The following MMP26 variants were observed in gnomAD, a reference collection of about 807,000 sequenced individuals.
MMP26 encodes matrix metalloproteinase-26.
MMP26 carries 33 observed loss-of-function variants against 31.0 expected under a neutral mutation model. The ratio of observed to expected loss-of-function variants is 1.06; its 90% CI spans 0.81 to 1.42. MMP26 has a LOEUF of 1.42. Among genes scored for constraint, MMP26 ranks in the 40% most tolerant of loss-of-function variants. The pLI is 0.00. For missense variants in MMP26, 347 were observed against 316.1 expected, an observed-to-expected ratio of 1.10 and a Z score of -0.74; for synonymous variants, 122 against 114.9, an observed-to-expected ratio of 1.06 and a Z score of -0.40.
chr11:4,937,004 T>C (rs1846125098), intron 2 of MMP26, among the ~76,000 whole-genome samples: 1 of 152,210 alleles, frequency 6.6e-6, no homozygotes, highest in Admixed American at 6.5e-5. Flanking sequence ...TAGGCATTTT[T>C]TTGCTACGGA....
intron 2 of MMP26, chr11:4,912,916 G>A (rs748096881): frequency 1.4e-4 from 21 of 151,462 alleles, no homozygotes; most frequent in Non-Finnish European, 2.8e-4. Context: ...TGTCTAGCCT[G>A]GAATGTTAAA....
intron 1 of MMP26, among the ~76,000 whole-genome samples, chr11:4,731,050 T>A (rs1848167041): frequency 1.3e-5 from 2 of 152,168 alleles, no homozygotes; most frequent in African/African-American, 4.8e-5. Context: ...GTTCAAGTGA[T>A]TCTCCTGCCT....
chr11:4,915,495 C>T (rs771636291), intron 2 of MMP26: 1 of 1,614,128 alleles, frequency 6.2e-7, no homozygotes, highest in Non-Finnish European at 8.5e-7. Flanking sequence ...AGTGAGCGCT[C>T]TGTTTTAATG....
At chr11:4,749,147 T>C (rs1848416929) in intron 1 of MMP26, among the ~76,000 whole-genome samples, 1 of 151,964 alleles carries the variant, frequency 6.6e-6, no homozygotes, top group African/African-American at 2.4e-5. Flanking sequence ...TAAATAACAA[T>C]AGCTATCTAG....
chr11:4,706,577 CAAAAAAAAAAAAA>C (rs71050423), intron 1 of MMP26, among the ~76,000 whole-genome samples: 1 of 87,568 alleles, frequency 1.1e-5, no homozygotes, highest in African/African-American at 4.7e-5. Flanking sequence ...GACCCTATCT[CAAAAAAAAAAAAA>C]AAAAAAAAAG....
At chr11:4,939,973 T>G (rs1846184796) in intron 2 of MMP26, among the ~76,000 whole-genome samples, 1 of 152,152 alleles carries the variant, frequency 6.6e-6, no homozygotes, top group Non-Finnish European at 1.5e-5. Flanking sequence ...TTCTGGCATT[T>G]GTCTCACCAT....
intron 2 of MMP26, chr11:4,943,267 C>A: frequency 4.2e-6 from 1 of 235,990 alleles, no homozygotes; most frequent in Non-Finnish European, 8.7e-6. Context: ...AGGTTTACAT[C>A]CTTTGCATTC....
At chr11:4,858,128 G>A (rs892046485) in intron 2 of MMP26, among the ~76,000 whole-genome samples, 8 of 152,066 alleles carry the variant, frequency 5.3e-5, no homozygotes, top group Non-Finnish European at 1.0e-4. Flanking sequence ...CATACTGAAT[G>A]GGCAAAAACT....
intron 2 of MMP26, chr11:4,804,367 G>A: frequency 6.2e-7 from 1 of 1,614,082 alleles, no homozygotes; most frequent in African/African-American, 1.3e-5. Context: ...GCTGTTCCCT[G>A]AAGCCAGCAC....
At chr11:4,925,771 C>CAAAA (rs11441973) in intron 2 of MMP26, among the ~76,000 whole-genome samples, 2 of 142,166 alleles carry the variant, frequency 1.4e-5, no homozygotes, top group African/African-American at 2.6e-5. Context: ...CTGTTAACTA[C>CAAAA]AAAAAAAAAA....
rs559258498 is a variant in MMP26, at chr11:4,753,872, G to A, written c.-216-13398G>A. Among the ~76,000 whole-genome samples the A allele has an allele frequency of 1.3e-3, 201 of 152,024 alleles. 1 individual carries two copies. Among genetic ancestry groups the A allele is most frequent in the Admixed American group, 2.4e-3 (37 of 15,244 alleles). On this transcript the variant is annotated intron_variant, in intron 1 of 7. Transcript: ENST00000380390. ...AGTTTGTAACACAAAATACTGCCCC[G>A]TTTATGATTATAAAACCTGCTTCTG...
At chr11:4,985,729 T>C (rs1489177263) in intron 2 of MMP26, among the ~76,000 whole-genome samples, 1 of 152,216 alleles carries the variant, frequency 6.6e-6, no homozygotes, top group Non-Finnish European at 1.5e-5. Context: ...ATTGTATTTA[T>C]TTTTGTAGAG....
intron 2 of MMP26, among the ~76,000 whole-genome samples, chr11:4,783,559 G>A (rs1278184560): frequency 6.6e-6 from 1 of 152,170 alleles, no homozygotes; most frequent in East Asian, 1.9e-4. Flanking sequence ...AATGAGCTAA[G>A]ACTCTGTGGG....
chr11:4,720,228 C>T (rs1485723177), intron 1 of MMP26, among the ~76,000 whole-genome samples: 1 of 152,222 alleles, frequency 6.6e-6, no homozygotes, highest in African/African-American at 2.4e-5. Context: ...TACAACTATG[C>T]TTAATTCAAC....
rs1490795187 is a variant in MMP26 at position 4,952,721 on chromosome 11, A to G, written c.-144-35347A>G. On this transcript the variant is annotated intron_variant, in intron 2 of 7. Coordinates refer to ENST00000380390, the MANE Select transcript of MMP26 (RefSeq NM_021801.5). ...TCAGAGCCTCAATCTCTTCAACTAAAATAAATAAGAAAAAACCCTTTATAA... is the reference window on the plus strand; with the variant it reads ...TCAGAGCCTCAATCTCTTCAACTAAGATAAATAAGAAAAAACCCTTTATAA... 2.4e-5 allele frequency among the ~76,000 whole-genome samples: 3 copies of G among 125,430 alleles called. 1 individual carries two copies. Among genetic ancestry groups the G allele is most frequent in the African/African-American group, 8.1e-5 (3 of 36,904 alleles). 82.3% of individuals were successfully genotyped at this position (125,430 alleles called of 152,430 possible). A position where few individuals can be genotyped will look rare whatever the true frequency, so the allele number is the denominator to read the frequency against.
intron 2 of MMP26, among the ~76,000 whole-genome samples, chr11:4,810,005 T>C (rs1338592659): frequency 6.6e-6 from 1 of 152,216 alleles, no homozygotes; most frequent in African/African-American, 2.4e-5. Context: ...TAAAGGGTTA[T>C]GTCTGGACGT....
chr11:4,811,985 C>A (rs1849355625), intron 2 of MMP26, among the ~76,000 whole-genome samples: 1 of 152,168 alleles, frequency 6.6e-6, no homozygotes, highest in Non-Finnish European at 1.5e-5. Context: ...TGGCTCACAG[C>A]TGTTTGTCGA....
chr11:4,915,765 A>G, intron 2 of MMP26: 1 of 698,376 alleles, frequency 1.4e-6, no homozygotes, highest in Non-Finnish European at 2.4e-6. Flanking sequence ...GAAAAAAAAT[A>G]GAATCAAATA....
chr11:4,981,421 A>G (rs1846812076), intron 2 of MMP26, among the ~76,000 whole-genome samples: 1 of 152,176 alleles, frequency 6.6e-6, no homozygotes, highest in South Asian at 2.1e-4. Flanking sequence ...ACTAAATACT[A>G]TAGACAATTG....
Sources: gnomAD v4.1 joint callset for allele counts (sites outside exome capture counted in the v4.1 genomes callset) on GRCh38, gnomAD v4.1.1 for gene constraint, MANE v1.5 for transcripts, NCBI Gene and HGNC (gene_info 2026-07-23, HGNC 2026-07-21) for gene names.